C10orf67: variants seen among roughly 807,000 people sequenced by gnomAD.
C10orf67 encodes the protein chromosome 10 open reading frame 67, also known as uncharacterized protein C10orf67, mitochondrial.
In C10orf67, 60 loss-of-function variants were observed where a neutral mutation model predicts 35.6. That is an observed-to-expected ratio of 1.68 (90% CI 1.37 to 2.09). C10orf67 has a LOEUF of 2.09. Ranked by LOEUF, C10orf67 falls within the 30% of genes most tolerant of loss-of-function variation. The pLI, the probability that C10orf67 is intolerant of heterozygous loss-of-function variation, is 0.00. For synonymous variants in C10orf67, 167 were observed against 115.8 expected, an observed-to-expected ratio of 1.44 and a Z score of -2.84; for missense variants, 474 against 330.2, an observed-to-expected ratio of 1.44 and a Z score of -3.38.
At position 23,228,876 on chromosome 10, in the gene C10orf67, A is replaced by G. The variant is rs190317585; in HGVS notation, c.1435-5058T>C. 2.6e-3 allele frequency among the ~76,000 whole-genome samples: 397 copies of G among 152,328 alleles called. 3 individuals carry two copies. The highest frequency in any genetic ancestry group is 8.9e-3 in the African/African-American group (369 of 41,564). On this transcript the variant is annotated intron_variant, in intron 13 of 15. Coordinates refer to ENST00000636213, the MANE Select transcript of C10orf67 (RefSeq NM_001371909.1). ...CATCAGAGAAATGCAAATCAAAACC[A>G]CAATGAGATACCATCTCACACCAAT...
At chr10:23,329,626 T>A (rs72788419) in intron 2 of C10orf67, among the ~76,000 whole-genome samples, 25,543 of 151,002 alleles carry the variant, frequency 0.17, 2,735 homozygotes, top group Non-Finnish European at 0.24. Context: ...GTAGCAAGAC[T>A]CTATCTCTAC....
chr10:23,258,969 G>A (rs963724675), intron 10 of C10orf67, among the ~76,000 whole-genome samples: 2 of 152,106 alleles, frequency 1.3e-5, no homozygotes, highest in African/African-American at 4.8e-5. Flanking sequence ...AAAATTACTA[G>A]GTAACTTATT....
chr10:23,324,242 T>C lies in C10orf67; in HGVS notation c.328-1705A>G, dbSNP rs190224266. On this transcript the variant is annotated intron_variant, in intron 2 of 15. Transcript: ENST00000636213. ...ATGTAGATTCTCTAGAGATTCTGAT[T>C]GCTGGGACCCTCTCTTTTGTAGCTA... Among the ~76,000 whole-genome samples, 3 of 151,918 alleles carry C rather than the reference T, an allele frequency of 2.0e-5. No individual in the cohort carries two copies. In the East Asian group the frequency reaches 5.9e-4, roughly 30 times the overall value.
intron 4 of C10orf67, chr10:23,318,858 A>G: frequency 7.8e-6 from 6 of 773,572 alleles, no homozygotes; most frequent in Non-Finnish European, 1.4e-5. Flanking sequence ...TCTGCTTCTT[A>G]TCTTTCCACC....
At chr10:23,274,485 G>T (rs1322245131) in intron 8 of C10orf67, among the ~76,000 whole-genome samples, 1 of 152,026 alleles carries the variant, frequency 6.6e-6, no homozygotes, top group Non-Finnish European at 1.5e-5. Flanking sequence ...AATATTTCTT[G>T]CTGGGAAAAG....
intron 15 of C10orf67, among the ~76,000 whole-genome samples, chr10:23,219,745 C>A (rs1345902071): frequency 6.6e-6 from 1 of 152,116 alleles, no homozygotes; most frequent in African/African-American, 2.4e-5. Flanking sequence ...GACATATCAC[C>A]TGATGTAACA....
At chr10:23,258,154 C>T (rs1018359282) in intron 10 of C10orf67, 11 of 153,180 alleles carry the variant, frequency 7.2e-5, no homozygotes, top group African/African-American at 2.7e-4. Flanking sequence ...CATGGGCGAG[C>T]TCTTGGTGCA....
chr10:23,315,981 C>G (rs1348515567), intron 4 of C10orf67, among the ~76,000 whole-genome samples: 1 of 152,168 alleles, frequency 6.6e-6, no homozygotes, highest in Non-Finnish European at 1.5e-5. Context: ...ACCATGCTGT[C>G]ACAGGATCCT....
chr10:23,310,717 G>A (rs1844463517), intron 4 of C10orf67, among the ~76,000 whole-genome samples: 1 of 152,222 alleles, frequency 6.6e-6, no homozygotes, highest in African/African-American at 2.4e-5. Flanking sequence ...TGCTTGTCAA[G>A]CTCTCCAAGA....
chr10:23,292,888 G>A (rs1843763022), intron 5 of C10orf67, among the ~76,000 whole-genome samples: 1 of 152,094 alleles, frequency 6.6e-6, no homozygotes, highest in South Asian at 2.1e-4. Flanking sequence ...CTAGTAAGTA[G>A]TTAATAAACA....
chr10:23,256,863 G>A (rs375477921), intron 10 of C10orf67, among the ~76,000 whole-genome samples: 11 of 152,124 alleles, frequency 7.2e-5, no homozygotes, highest in East Asian at 3.9e-4. Context: ...CTCTGGGAGA[G>A]GGGAAGCAAA....
chr10:23,215,439 G>T (rs1418045560), intron 15 of C10orf67, among the ~76,000 whole-genome samples: 1 of 151,794 alleles, frequency 6.6e-6, no homozygotes, highest in Admixed American at 6.6e-5. Context: ...GATTACAGGC[G>T]TGCACCACCA....
chr10:23,308,195 C>G (rs1480064896), intron 4 of C10orf67, among the ~76,000 whole-genome samples: 1 of 152,182 alleles, frequency 6.6e-6, no homozygotes, highest in Non-Finnish European at 1.5e-5. Context: ...CTTGTTCGAT[C>G]TACCCCTAAT....
chr10:23,273,876 C>T (rs1291230508), intron 8 of C10orf67, among the ~76,000 whole-genome samples: 4 of 152,166 alleles, frequency 2.6e-5, no homozygotes, highest in Non-Finnish European at 5.9e-5. Flanking sequence ...GTTGTTTTTA[C>T]TCTGTATTGT....
At chr10:23,306,350 C>A (rs142408115) in intron 4 of C10orf67, among the ~76,000 whole-genome samples, 1 of 151,938 alleles carries the variant, frequency 6.6e-6, no homozygotes, top group African/African-American at 2.4e-5. Context: ...ATGTGAAACC[C>A]TGTCTCTACT....
intron 15 of C10orf67, among the ~76,000 whole-genome samples, chr10:23,222,100 C>A (rs976035044): frequency 2.0e-5 from 3 of 151,914 alleles, no homozygotes; most frequent in African/African-American, 7.3e-5. Flanking sequence ...ATTAGTAAGG[C>A]AAAAAAGTGA....
intron 15 of C10orf67, among the ~76,000 whole-genome samples, chr10:23,205,476 T>TC (rs1841132814): frequency 6.6e-6 from 1 of 152,230 alleles, no homozygotes; most frequent in Non-Finnish European, 1.5e-5. Flanking sequence ...TTTATAAAAC[T>TC]ATGCATACAT....
At chr10:23,298,695 C>T (rs1238153377) in intron 5 of C10orf67, among the ~76,000 whole-genome samples, 1 of 151,674 alleles carries the variant, frequency 6.6e-6, no homozygotes, top group Admixed American at 6.6e-5. Flanking sequence ...GTCCTGGTGC[C>T]TTTGGATAAT....
chr10:23,244,358 G>C (rs1196836818), intron 12 of C10orf67, among the ~76,000 whole-genome samples: 2 of 152,124 alleles, frequency 1.3e-5, no homozygotes, highest in Admixed American at 6.5e-5. Context: ...TCAAAGAAAA[G>C]AAGTCTGAAA....
Sources: allele counts gnomAD v4.1 joint callset (sites outside exome capture counted in the v4.1 genomes callset), GRCh38; gene constraint gnomAD v4.1.1; transcripts MANE v1.5; gene names NCBI Gene and HGNC (gene_info 2026-07-23, HGNC 2026-07-21).